Variants in BCL10 observed in about 807,000 individuals in gnomAD.
The protein encoded by BCL10 is B-cell lymphoma/leukemia 10.
A neutral mutation model predicts 19.2 loss-of-function variants in BCL10; 5 were observed. The ratio of observed to expected loss-of-function variants is 0.26; its 90% CI spans 0.14 to 0.55. The LOEUF is 0.55. Among genes scored for constraint, BCL10 ranks in the 20% least tolerant of loss-of-function variants. The pLI, the probability that BCL10 is intolerant of heterozygous loss-of-function variation, is 0.94. For missense variants in BCL10, 201 were observed against 271.9 expected (o/e 0.74, Z 1.83); for synonymous variants, 110 against 98.8 (o/e 1.11, Z -0.67).
At chr1:85,269,022 C>G (rs900749649) in intron 2 of BCL10, among the ~76,000 whole-genome samples, 2 of 152,180 alleles carry the variant, frequency 1.3e-5, no homozygotes, top group South Asian at 4.1e-4. Flanking sequence ...TGGGAGGCAA[C>G]AGGGTCATGA....
intron 1 of BCL10, among the ~76,000 whole-genome samples, chr1:85,271,211 C>T (rs926880190): frequency 5.9e-5 from 9 of 152,104 alleles, no homozygotes; most frequent in Non-Finnish European, 1.2e-4. Context: ...GGGCCATCTT[C>T]GGGAGTAAAG....
intron 2 of BCL10, among the ~76,000 whole-genome samples, chr1:85,268,865 T>C (rs1660281293): frequency 6.6e-6 from 1 of 152,114 alleles, no homozygotes; most frequent in South Asian, 2.1e-4. Context: ...GAACTACAAT[T>C]CAATAGATAA....
At position 85,276,469 on chromosome 1, in the gene BCL10, G is replaced by T; in HGVS notation, c.-117C>A. 8.0e-7 allele frequency: 1 copy of T among 1,242,292 alleles called. No individual in the cohort carries two copies. The highest frequency in any genetic ancestry group is 1.2e-6 in the Non-Finnish European group (1 of 865,886). The allele number at this position is 1,242,292 out of a possible 1,614,324, so 77.0% of individuals were successfully genotyped here. Reference sequence around the variant, plus strand: ...GGAAGAAGGAGAGGAGGCGGAGCGGGTCGGGAGAAAGACGGCCGCCCCTTC... The same window carrying T: ...GGAAGAAGGAGAGGAGGCGGAGCGGTTCGGGAGAAAGACGGCCGCCCCTTC... On this transcript the variant is annotated 5_prime_UTR_variant, in exon 1 of 3. Transcript: ENST00000648566.
chr1:85,270,957 C>T, intron 1 of BCL10, 51 bp from the exon 2 acceptor site: 1 of 1,540,432 alleles, frequency 6.5e-7, no homozygotes, highest in Non-Finnish European at 8.8e-7. Flanking sequence ...CTAAGAAAAT[C>T]ACATACGTGA....
In BCL10 at chr1:85,270,906, C is replaced by T. The variant is rs1660354259; in HGVS notation, c.58G>A (p.Ala20Thr). ...EEDLTEVKKD[A>T]LENLRVYLCE... is the part of the protein sequence containing the mutation. ...AGGTATACACGTAAATTTTCTAAGG[C>T]CTAAAAGACATAAAATATGGTTCAA... The change falls in exon 2 of 3, where the codon GCC becomes ACC. Residue 20 changes from alanine (A) to threonine (T), a missense_variant and splice_region_variant. Around this residue, in one of 3 missense-constraint regions of BCL10, gnomAD observed 51 missense variants for 118.8 expected, o/e 0.43. Coordinates refer to ENST00000648566, the MANE Select transcript of BCL10 (RefSeq NM_003921.5). 1 of 1,598,508 alleles carries T rather than the reference C, an allele frequency of 6.3e-7. No individual in the cohort carries two copies.
chr1:85,273,421 G>T (rs1372414161), intron 1 of BCL10, among the ~76,000 whole-genome samples: 1 of 152,028 alleles, frequency 6.6e-6, no homozygotes, highest in Admixed American at 6.6e-5. Flanking sequence ...TCTTGTTGTT[G>T]TTGTTACCCT....
chr1:85,272,604 T>G (rs902648940), intron 1 of BCL10, among the ~76,000 whole-genome samples: 3 of 152,104 alleles, frequency 2.0e-5, no homozygotes, highest in Non-Finnish European at 4.4e-5. Flanking sequence ...CTGCCCTGTC[T>G]TAAAGGATAA....
At chr1:85,274,750 A>G (rs908025776) in intron 1 of BCL10, among the ~76,000 whole-genome samples, 1 of 152,340 alleles carries the variant, frequency 6.6e-6, no homozygotes, top group Admixed American at 6.5e-5. Flanking sequence ...TAATTTTAAA[A>G]CTCTCTAAGA....
chr1:85,267,928 G>A lies in BCL10; in HGVS notation c.401C>T (p.Ser134Phe). ...PFPDGATNNL[S>F]RSNSDESNFS... Reference sequence around the variant, plus strand: ...ATTACTCTCATCTGAATTTGATCTGGAGAGGTTGTTCGTGGCTCCATCTGG... The same window carrying A: ...ATTACTCTCATCTGAATTTGATCTGAAGAGGTTGTTCGTGGCTCCATCTGG... The change falls in exon 3 of 3, where the codon TCC becomes TTC. Residue 134 changes from serine (S) to phenylalanine (F), a missense_variant. By Grantham distance (155) the Ser-to-Phe change is radical. This residue lies in a region of BCL10 where 126 missense variants were observed against 136.6 expected (regional missense o/e 0.92). Coordinates refer to ENST00000648566, the MANE Select transcript of BCL10 (RefSeq NM_003921.5). The A allele has an allele frequency of 6.2e-7, 1 of 1,609,712 alleles. No individual in the cohort carries two copies. The highest frequency in any genetic ancestry group is 8.5e-7 in the Non-Finnish European group (1 of 1,177,538).
chr1:85,273,874 A>G (rs1243617507), intron 1 of BCL10, among the ~76,000 whole-genome samples: 1 of 151,958 alleles, frequency 6.6e-6, no homozygotes, highest in Non-Finnish European at 1.5e-5. Context: ...ACAAGTCCCT[A>G]CTATACTTGG....
At chr1:85,272,245 AT>A (rs984604363) in intron 1 of BCL10, among the ~76,000 whole-genome samples, 4 of 151,752 alleles carry the variant, frequency 2.6e-5, no homozygotes, top group Non-Finnish European at 4.4e-5. Flanking sequence ...ATTTTACTAA[AT>A]TTTTTTTAAG....
At chr1:85,274,240 A>T (rs1338785411) in intron 1 of BCL10, among the ~76,000 whole-genome samples, 1 of 152,230 alleles carries the variant, frequency 6.6e-6, no homozygotes, top group Non-Finnish European at 1.5e-5. Flanking sequence ...GCAGGCAGCT[A>T]CGAGGTATGT....
chr1:85,272,125 A>G (rs1557787778), intron 1 of BCL10, among the ~76,000 whole-genome samples: 1 of 152,246 alleles, frequency 6.6e-6, no homozygotes, highest in African/African-American at 2.4e-5. Context: ...GGTCCTTATC[A>G]TATCTGGCAT....
At chr1:85,269,606 T>A (rs925171726) in intron 2 of BCL10, among the ~76,000 whole-genome samples, 1 of 152,262 alleles carries the variant, frequency 6.6e-6, no homozygotes, top group African/African-American at 2.4e-5. Context: ...GGGACACTTA[T>A]AGACTATGAG....
At chr1:85,268,153 A>C (rs1660256035) in intron 2 of BCL10, among the ~76,000 whole-genome samples, 171 bp from the exon 3 acceptor site, 1 of 152,226 alleles carries the variant, frequency 6.6e-6, no homozygotes, top group Non-Finnish European at 1.5e-5. Flanking sequence ...TTTTCTCAAC[A>C]ACCATGAAGT....
At position 85,267,276 on chromosome 1, in the gene BCL10, A is replaced by G. The variant is rs1660225866; in HGVS notation, c.*351T>C. 1 of 234,182 alleles carries G rather than the reference A, an allele frequency of 4.3e-6. No homozygotes were observed. Among genetic ancestry groups the G allele is most frequent in the East Asian group, 6.6e-5 (1 of 15,106 alleles). 14.5% of individuals were successfully genotyped at this position (234,182 alleles called of 1,614,324 possible). ...GACTATTAGACTCTTGAAAATTTCT[A>G]GCACAAATGCACTGAGGAAAAAACG... is the stretch of plus-strand genomic sequence containing the variant. On this transcript the variant is annotated 3_prime_UTR_variant, in exon 3 of 3. Coordinates refer to ENST00000648566, the MANE Select transcript of BCL10 (RefSeq NM_003921.5).
At chr1:85,268,176 G>A (rs548129417) in intron 2 of BCL10, among the ~76,000 whole-genome samples, 194 bp from the exon 3 acceptor site, 5 of 152,194 alleles carry the variant, frequency 3.3e-5, no homozygotes, top group African/African-American at 1.2e-4. Flanking sequence ...ACTATTATTT[G>A]CATTTTCTAT....
At chr1:85,272,403 ATTTTTT>A (rs952747276) in intron 1 of BCL10, among the ~76,000 whole-genome samples, 51 of 133,470 alleles carry the variant, frequency 3.8e-4, no homozygotes, top group Admixed American at 1.5e-3. Context: ...CTAATTTTTA[ATTTTTT>A]TTTTTTTTTT....
intron 2 of BCL10, among the ~76,000 whole-genome samples, chr1:85,270,320 T>A (rs1404996685): frequency 6.6e-6 from 1 of 152,266 alleles, no homozygotes; most frequent in Non-Finnish European, 1.5e-5. Context: ...TTGCCCAGAC[T>A]GGAGTGCAGT....
Sources: gnomAD v4.1 joint callset for allele counts (sites outside exome capture counted in the v4.1 genomes callset) on GRCh38, gnomAD v4.1.1 for gene constraint, gnomAD v4.1.1 regional missense constraint, MANE v1.5 for transcripts, NCBI Gene and HGNC (gene_info 2026-07-23, HGNC 2026-07-21) for gene names.